ALDH6A1: variants seen among roughly 807,000 people sequenced by gnomAD.
ALDH6A1 encodes methylmalonate-semialdehyde/malonate-semialdehyde dehydrogenase [acylating], mitochondrial.
Under a neutral mutation model 62.6 loss-of-function variants are expected in ALDH6A1, and 43 were observed. The ratio of observed to expected loss-of-function variants is 0.69; its 90% CI spans 0.54 to 0.89. The LOEUF is 0.89. ALDH6A1 is among the 40% of genes least tolerant of loss of function. ALDH6A1 has a pLI of 0.00. For synonymous variants in ALDH6A1, 194 were observed against 234.2 expected, an observed-to-expected ratio of 0.83 and a Z score of 1.57; for missense variants, 551 against 661.3, an observed-to-expected ratio of 0.83 and a Z score of 1.83.
chr14:74,069,147 C>T (rs2060514864), intron 6 of ALDH6A1, 166 bp from the exon 7 acceptor site: 1 of 701,800 alleles, frequency 1.4e-6, no homozygotes, highest in African/African-American at 1.9e-5. Flanking sequence ...CTCTGTTGCC[C>T]AGGCTGGAGT....
intron 6 of ALDH6A1, 165 bp from the exon 7 acceptor site, chr14:74,069,146 C>G (rs572304910): frequency 2.8e-6 from 2 of 725,060 alleles, no homozygotes; most frequent in Admixed American, 3.1e-5. Flanking sequence ...GCTCTGTTGC[C>G]CAGGCTGGAG....
chr14:74,073,508 C>A (rs1319702500), intron 2 of ALDH6A1, among the ~76,000 whole-genome samples: 1 of 152,042 alleles, frequency 6.6e-6, no homozygotes, highest in African/African-American at 2.4e-5. Context: ...AGTAGAAACA[C>A]GATATTATGA....
intron 10 of ALDH6A1, 122 bp downstream of exon 10, chr14:74,065,059 A>G: frequency 7.1e-7 from 1 of 1,407,146 alleles, no homozygotes; most frequent in South Asian, 1.2e-5. Flanking sequence ...CCTGAGGAAG[A>G]AATGGGGCAA....
Position 74,059,423 on chromosome 14 carries a change from T to C in ALDH6A1, c.*1219A>G, listed in dbSNP as rs1191826396. Reference sequence around the variant, plus strand: ...AAAATTATTTGCATCTGGCTGGGTGTGGTGGCTCATGCCTGTAATCCCAGC... The same window carrying C: ...AAAATTATTTGCATCTGGCTGGGTGCGGTGGCTCATGCCTGTAATCCCAGC... On this transcript the variant is annotated 3_prime_UTR_variant, in exon 12 of 12. Coordinates refer to ENST00000553458, the MANE Select transcript of ALDH6A1 (RefSeq NM_005589.4). 2.2e-6 allele frequency: 1 copy of C among 455,428 alleles called. No individual in the cohort carries two copies. The highest frequency in any genetic ancestry group is 2.0e-5 in the African/African-American group (1 of 50,026). 28.2% of individuals were successfully genotyped at this position (455,428 alleles called of 1,614,324 possible). A position where few individuals can be genotyped will look rare whatever the true frequency, so the allele number is the denominator to read the frequency against.
intron 1 of ALDH6A1, among the ~76,000 whole-genome samples, chr14:74,080,164 G>T (rs1384754842): frequency 6.6e-6 from 1 of 152,136 alleles, no homozygotes; most frequent in Non-Finnish European, 1.5e-5. Flanking sequence ...TGCCAAAGGA[G>T]AAACCCAGAT....
At chr14:74,072,031 T>C (rs2060556732) in intron 4 of ALDH6A1, 57 bp from the exon 5 acceptor site, 2 of 1,592,756 alleles carry the variant, frequency 1.3e-6, no homozygotes, top group Admixed American at 3.3e-5. Context: ...TTTTAAATTC[T>C]GAGGTAGCAA....
chr14:74,061,320 G>T (rs10140252), intron 11 of ALDH6A1, among the ~76,000 whole-genome samples: 24,925 of 132,528 alleles, frequency 0.19, 2,679 homozygotes, highest in African/African-American at 0.33. Flanking sequence ...TATTTATTTT[G>T]AGACAGAGTC....
intron 1 of ALDH6A1, among the ~76,000 whole-genome samples, chr14:74,081,963 T>C (rs1227056012): frequency 6.6e-6 from 1 of 152,106 alleles, no homozygotes; most frequent in Non-Finnish European, 1.5e-5. Context: ...TCCCAACACT[T>C]TGGGAGGCTG....
At chr14:74,078,614 A>G (rs1475647222) in intron 1 of ALDH6A1, among the ~76,000 whole-genome samples, 1 of 151,808 alleles carries the variant, frequency 6.6e-6, no homozygotes, top group East Asian at 1.9e-4. Flanking sequence ...TGCAACCTCC[A>G]CCTCCCGGGT....
chr14:74,071,373 T>C lies in ALDH6A1; in HGVS notation c.552A>G (p.Pro184=). 6.2e-7 allele frequency: 1 copy of C among 1,614,104 alleles called. No homozygotes were observed. Among genetic ancestry groups the C allele is most frequent in the Non-Finnish European group, 8.5e-7 (1 of 1,180,012 alleles). ...LPLGVCAGIA[P]FNFPAMIPLW... The stretch of plus-strand genomic sequence containing the variant: ...GGGGGATCATGGCAGGAAAATTGAA[T>C]GGAGCAATGCCTGCACACACTCCCA... The change falls in exon 6 of 12, where the codon CCA becomes CCG. Residue 184 remains proline, a synonymous_variant. Transcript: ENST00000553458.
At position 74,066,855 on chromosome 14, in the gene ALDH6A1, C is replaced by T. The variant is rs1416607006; in HGVS notation, c.1074G>A (p.Leu358=). 1 of 1,613,998 alleles carries T rather than the reference C, an allele frequency of 6.2e-7. No individual in the cohort carries two copies. The highest frequency in any genetic ancestry group is 1.1e-5 in the South Asian group (1 of 91,064). ...GDQPGADLGP[L]ITPQAKERVC... is the part of the protein sequence containing the mutation. ...CTCGCTCTTTGGCCTGGGGAGTGAT[C>T]AGAGGGCCAAGATCAGCTCCAGGCT... Residue 358 remains leucine (L), a synonymous_variant, in exon 9 of 12, where the codon CTG becomes CTA. Transcript: ENST00000553458.
Position 74,072,297 on chromosome 14 carries a change from G to A in ALDH6A1, c.254C>T (p.Ser85Phe), listed in dbSNP as rs560772628. The A allele has an allele frequency of 6.2e-6, 10 of 1,614,234 alleles. No homozygotes were observed. The highest frequency in any genetic ancestry group is 5.0e-5 in the Admixed American group (3 of 60,030). ...TKAEMDAAIA[S>F]CKRAFPAWAD... is the part of the protein sequence containing the mutation. ...CCATGCAGGAAAAGCACGTTTGCAG[G>A]AAGCAATGGCTGCATCCATTTCTGC... is the stretch of plus-strand genomic sequence containing the variant. The change falls in exon 4 of 12, where the codon TCC becomes TTC. Residue 85 changes from serine to phenylalanine, a missense_variant. Ser to Phe is a radical substitution (Grantham distance 155, BLOSUM62 -2). Transcript: ENST00000553458.
At chr14:74,078,640 G>C (rs887670207) in intron 1 of ALDH6A1, among the ~76,000 whole-genome samples, 1 of 152,152 alleles carries the variant, frequency 6.6e-6, no homozygotes. Flanking sequence ...TGATTCTCCT[G>C]CCTCAGCTTT....
At chr14:74,064,960 G>A (rs1254927286) in intron 10 of ALDH6A1, 40 bp from the exon 11 acceptor site, 2 of 1,575,254 alleles carry the variant, frequency 1.3e-6, no homozygotes, top group South Asian at 1.1e-5. Flanking sequence ...TAAGGACAAA[G>A]GAACTCTCCA....
chr14:74,064,352 C>T (rs10047829), intron 11 of ALDH6A1, among the ~76,000 whole-genome samples: 6 of 150,902 alleles, frequency 4.0e-5, no homozygotes, highest in Non-Finnish European at 2.9e-5. Flanking sequence ...CTACAAAGAA[C>T]GTGCTCAACA....
Position 74,057,254 on chromosome 14 carries a change from A to G in ALDH6A1, c.*3388T>C. On this transcript the variant is annotated 3_prime_UTR_variant, in exon 12 of 12. Transcript: ENST00000553458. ...ATTCCAAAAGAACCTCAGGAGTCTG[A>G]CACAGTAAGGAGTCTGTATCTAATC... 6.2e-7 allele frequency: 1 copy of G among 1,614,142 alleles called. No individual in the cohort carries two copies. The highest frequency in any genetic ancestry group is 8.5e-7 in the Non-Finnish European group (1 of 1,179,984).
rs1037162967 is a variant in ALDH6A1, at chr14:74,065,278, T to C, written c.1307A>G (p.Gln436Arg). 1.9e-6 allele frequency: 3 copies of C among 1,614,218 alleles called. No individual in the cohort carries two copies. Among genetic ancestry groups the C allele is most frequent in the East Asian group, 4.5e-5 (2 of 44,886 alleles). Residue 436 changes from glutamine (Q) to arginine (R), a missense_variant, in exon 10 of 12, where the codon CAG (glutamine) becomes CGG (arginine). Gln to Arg is a conservative substitution (Grantham distance 43). Coordinates refer to ENST00000553458, the MANE Select transcript of ALDH6A1 (RefSeq NM_005589.4). Reference protein sequence around the residue: ...LETETLDEAIQIVNNNPYGNG... With the variant: ...LETETLDEAIRIVNNNPYGNG... Reference sequence around the variant, plus strand: ...TCCATATGGGTTGTTATTTACAATCTGGATGGCTTCATCCAATGTTTCTGT... The same window carrying C: ...TCCATATGGGTTGTTATTTACAATCCGGATGGCTTCATCCAATGTTTCTGT...
Position 74,057,917 on chromosome 14 carries a change from T to A in ALDH6A1, c.*2725A>T. The A allele has an allele frequency of 1.0e-6, 1 of 993,834 alleles. No homozygotes were observed. The highest frequency in any genetic ancestry group is 1.2e-6 in the Non-Finnish European group (1 of 834,814). The allele number at this position is 993,834 out of a possible 1,614,324, so 61.6% of individuals were successfully genotyped here. On this transcript the variant is annotated 3_prime_UTR_variant, in exon 12 of 12. Transcript: ENST00000553458. Reference sequence around the variant, plus strand: ...TTAGTGTGTTTTTTTAGAAGTGATTTCCCTTAAATATAAGGAAAATGTTAG... The same window carrying A: ...TTAGTGTGTTTTTTTAGAAGTGATTACCCTTAAATATAAGGAAAATGTTAG...
chr14:74,072,633 A>G, intron 2 of ALDH6A1, 22 bp from the exon 3 acceptor site: 1 of 1,611,268 alleles, frequency 6.2e-7, no homozygotes, highest in Non-Finnish European at 8.5e-7. Flanking sequence ...AAACAAACAA[A>G]CAAACAAACA....
Sources: gnomAD v4.1 joint callset for allele counts (sites outside exome capture counted in the v4.1 genomes callset) on GRCh38, gnomAD v4.1.1 for gene constraint, MANE v1.5 for transcripts, NCBI Gene and HGNC (gene_info 2026-07-23, HGNC 2026-07-21) for gene names.